Variants in DLGAP2 observed in about 807,000 individuals in gnomAD.
DLGAP2 encodes DLG associated protein 2, also known as disks large-associated protein 2.
A neutral mutation model predicts 100.3 loss-of-function variants in DLGAP2; 26 were observed. The ratio of observed to expected loss-of-function variants is 0.26; its 90% CI spans 0.19 to 0.36. DLGAP2 has a LOEUF of 0.36. Among genes scored for constraint, DLGAP2 ranks in the 10% least tolerant of loss-of-function variants. DLGAP2 has a pLI of 1.00. For synonymous variants in DLGAP2, 886 were observed against 630.1 expected, an observed-to-expected ratio of 1.41 and a Z score of -6.08; for missense variants, 1,858 against 1,453.2, an observed-to-expected ratio of 1.28 and a Z score of -4.53.
chr8:1,447,768 G>C (rs1798022002), intron 3 of DLGAP2, among the ~76,000 whole-genome samples: 1 of 152,172 alleles, frequency 6.6e-6, no homozygotes, highest in Non-Finnish European at 1.5e-5. Flanking sequence ...TTCAGAGCCT[G>C]TTACTGGTCT....
At chr8:1,209,878 C>G (rs1330348435) in intron 2 of DLGAP2, among the ~76,000 whole-genome samples, 4 of 152,134 alleles carry the variant, frequency 2.6e-5, no homozygotes, top group Admixed American at 2.6e-4. Flanking sequence ...CATGTCCTAC[C>G]CCCTCGTAAT....
chr8:1,268,348 G>A (rs961609265), intron 3 of DLGAP2, among the ~76,000 whole-genome samples: 8 of 152,140 alleles, frequency 5.3e-5, no homozygotes, highest in Non-Finnish European at 8.8e-5. Flanking sequence ...TTGGGAGATG[G>A]AAATATATGC....
At chr8:1,194,060 T>C (rs17065769) in intron 2 of DLGAP2, among the ~76,000 whole-genome samples, 42,591 of 151,998 alleles carry the variant, frequency 0.28, 6,732 homozygotes, top group African/African-American at 0.43. Context: ...CAAGTCAACG[T>C]GACAGGTGTG....
intron 12 of DLGAP2, among the ~76,000 whole-genome samples, chr8:1,685,085 G>A (rs538909653): frequency 2.6e-4 from 40 of 151,758 alleles, no homozygotes; most frequent in Admixed American, 1.9e-3. Context: ...CACAAGAGCC[G>A]GGGTCAGATG....
intron 1 of DLGAP2, among the ~76,000 whole-genome samples, chr8:782,964 A>C (rs908522902): frequency 6.6e-6 from 1 of 152,214 alleles, no homozygotes; most frequent in Non-Finnish European, 1.5e-5. Flanking sequence ...GGAAAGCTGG[A>C]TTAGGATGGA....
At chr8:1,689,406 CCA>C (rs1189565694) in intron 12 of DLGAP2, among the ~76,000 whole-genome samples, 1 of 152,078 alleles carries the variant, frequency 6.6e-6, no homozygotes, top group Non-Finnish European at 1.5e-5. Context: ...GTACGTAAAG[CCA>C]CAGATTAAGT....
chr8:1,307,194 AT>A (rs1220862047), intron 3 of DLGAP2, among the ~76,000 whole-genome samples: 3 of 139,022 alleles, frequency 2.2e-5, no homozygotes, highest in Non-Finnish European at 4.7e-5. Flanking sequence ...CAACAGCAAA[AT>A]AATCTGATTC....
chr8:1,323,679 C>G (rs1323848127), intron 3 of DLGAP2, among the ~76,000 whole-genome samples: 2 of 152,234 alleles, frequency 1.3e-5, no homozygotes, highest in Admixed American at 1.3e-4. Flanking sequence ...CCTTAGCACC[C>G]TATTCTAGAA....
chr8:1,452,489 C>T (rs1429634976), intron 3 of DLGAP2, among the ~76,000 whole-genome samples: 1 of 152,204 alleles, frequency 6.6e-6, no homozygotes, highest in African/African-American at 2.4e-5. Flanking sequence ...CATCTCAGGG[C>T]CGCTAGGATG....
At chr8:1,552,885 A>G (rs1471745151) in intron 5 of DLGAP2, among the ~76,000 whole-genome samples, 3 of 152,232 alleles carry the variant, frequency 2.0e-5, no homozygotes, top group Admixed American at 6.5e-5. Flanking sequence ...AAGGCAATTC[A>G]GGCCTCACGT....
At chr8:1,590,133 C>G (rs1796247444) in intron 6 of DLGAP2, among the ~76,000 whole-genome samples, 1 of 152,130 alleles carries the variant, frequency 6.6e-6, no homozygotes. Context: ...ATCTTCGTCC[C>G]TTCTCCTCTT....
intron 2 of DLGAP2, among the ~76,000 whole-genome samples, chr8:1,128,521 T>C (rs1445272980): frequency 6.6e-6 from 1 of 152,204 alleles, no homozygotes; most frequent in East Asian, 1.9e-4. Context: ...TCACATGCTG[T>C]GTGGGTGTGT....
At chr8:1,426,224 T>C (rs529143565) in intron 3 of DLGAP2, among the ~76,000 whole-genome samples, 4 of 152,098 alleles carry the variant, frequency 2.6e-5, no homozygotes, top group Admixed American at 2.0e-4. Flanking sequence ...TTCAAAATGA[T>C]GAGAACAGAG....
chr8:1,517,178 T>A (rs944338549), intron 4 of DLGAP2, among the ~76,000 whole-genome samples: 5 of 152,124 alleles, frequency 3.3e-5, no homozygotes, highest in African/African-American at 1.2e-4. Flanking sequence ...CTGGACGTAG[T>A]GCTTCATTCT....
Position 1,564,045 on chromosome 8 carries a change from A to G in DLGAP2, c.1231-1638A>G, listed in dbSNP as rs573454642. 6.5e-4 allele frequency among the ~76,000 whole-genome samples: 99 copies of G among 152,290 alleles called. 1 individual carries two copies. The Middle Eastern group carries it at 0.01, about 16-fold the overall frequency. On this transcript the variant is annotated intron_variant, in intron 5 of 14. Coordinates refer to ENST00000637795, the MANE Select transcript of DLGAP2 (RefSeq NM_001346810.2). ...TCTTCTCCTACATGAAAAACATGCTATGTTAGTTCCTTGACTACAGACTGT... is the reference window on the plus strand; with the variant it reads ...TCTTCTCCTACATGAAAAACATGCTGTGTTAGTTCCTTGACTACAGACTGT...
chr8:1,637,314 G>C (rs556737653), intron 8 of DLGAP2, among the ~76,000 whole-genome samples: 1 of 152,192 alleles, frequency 6.6e-6, no homozygotes, highest in African/African-American at 2.4e-5. Flanking sequence ...GAGGTTCTGT[G>C]AGCCACAAAA....
At chr8:1,594,628 T>C (rs935229196) in intron 6 of DLGAP2, among the ~76,000 whole-genome samples, 1 of 152,104 alleles carries the variant, frequency 6.6e-6, no homozygotes, top group African/African-American at 2.4e-5. Flanking sequence ...TTCACCATGT[T>C]GGCCAGGCTG....
intron 4 of DLGAP2, among the ~76,000 whole-genome samples, chr8:1,510,812 G>A (rs1217349616): frequency 6.6e-6 from 1 of 152,154 alleles, no homozygotes; most frequent in African/African-American, 2.4e-5. Context: ...AGTCCAGGAG[G>A]TCCACTCAAC....
At chr8:1,036,182 G>A (rs1372693527) in intron 2 of DLGAP2, among the ~76,000 whole-genome samples, 1 of 147,236 alleles carries the variant, frequency 6.8e-6, no homozygotes, top group Non-Finnish European at 1.5e-5. Context: ...CCGACCCCGC[G>A]TGTCACCGCG....
Sources: gnomAD v4.1 joint callset for allele counts (sites outside exome capture counted in the v4.1 genomes callset) on GRCh38, gnomAD v4.1.1 for gene constraint, MANE v1.5 for transcripts, NCBI Gene and HGNC (gene_info 2026-07-23, HGNC 2026-07-21) for gene names.